The following CAMK4 variants were observed in gnomAD, a reference collection of about 807,000 sequenced individuals.
CAMK4 encodes calcium/calmodulin-dependent protein kinase type IV.
A neutral mutation model predicts 44.9 loss-of-function variants in CAMK4; 22 were observed. The ratio of observed to expected loss-of-function variants is 0.49; its 90% CI spans 0.35 to 0.70. CAMK4 has a LOEUF of 0.70. Ranked by LOEUF, CAMK4 falls within the 30% of genes least tolerant of loss-of-function variation. The pLI, the probability that CAMK4 is intolerant of heterozygous loss-of-function variation, is 0.01. For missense variants in CAMK4, 498 were observed against 586.8 expected (o/e 0.85, Z 1.56); for synonymous variants, 218 against 215.4 (o/e 1.01, Z -0.11).
intron 5 of CAMK4, among the ~76,000 whole-genome samples, chr5:111,407,889 G>C (rs1192352624): frequency 1.3e-5 from 2 of 152,158 alleles, no homozygotes; most frequent in Non-Finnish European, 2.9e-5. Flanking sequence ...ACCTTGGGAG[G>C]CTGAGGTGGG....
intron 5 of CAMK4, among the ~76,000 whole-genome samples, chr5:111,397,123 A>G (rs1401565898): frequency 6.6e-6 from 1 of 152,240 alleles, no homozygotes; most frequent in African/African-American, 2.4e-5. Context: ...ATAGCCCACT[A>G]TCACTTTACC....
At chr5:111,328,266 G>A (rs1056078038) in intron 1 of CAMK4, among the ~76,000 whole-genome samples, 5 of 151,224 alleles carry the variant, frequency 3.3e-5, no homozygotes, top group Admixed American at 1.3e-4. Flanking sequence ...ATTAAATAGG[G>A]AATCCTTTCC....
chr5:111,373,259 T>C (rs1466390649), intron 2 of CAMK4, among the ~76,000 whole-genome samples: 2 of 152,082 alleles, frequency 1.3e-5, no homozygotes, highest in Non-Finnish European at 2.9e-5. Flanking sequence ...ACGGGTGAAA[T>C]AAACTCTGGA....
In CAMK4 at chr5:111,460,977, T is replaced by A. The variant is rs573747036; in HGVS notation, c.625+11774T>A. 7.2e-5 allele frequency among the ~76,000 whole-genome samples: 11 copies of A among 152,292 alleles called. No individual in the cohort carries two copies. In the South Asian group the frequency reaches 1.2e-3, roughly 17 times the overall value. ...GACTATTTTCACTCATTTATTAGATTTATACAAAGAGAAAATCATATAATT... is the reference window on the plus strand; with the variant it reads ...GACTATTTTCACTCATTTATTAGATATATACAAAGAGAAAATCATATAATT... On this transcript the variant is annotated intron_variant, in intron 7 of 10. Transcript: ENST00000282356.
At chr5:111,344,437 C>CAT (rs1561427119) in intron 2 of CAMK4, among the ~76,000 whole-genome samples, 3 of 129,388 alleles carry the variant, frequency 2.3e-5, no homozygotes, top group Admixed American at 8.0e-5. Context: ...CACACATACA[C>CAT]ACACACACAC....
chr5:111,410,568 A>T (rs979221178), intron 5 of CAMK4, among the ~76,000 whole-genome samples: 1 of 151,956 alleles, frequency 6.6e-6, no homozygotes, highest in African/African-American at 2.4e-5. Flanking sequence ...GGACCATAAA[A>T]TTTTTTTCCT....
At chr5:111,412,999 T>C (rs1337059232) in intron 5 of CAMK4, among the ~76,000 whole-genome samples, 1 of 152,198 alleles carries the variant, frequency 6.6e-6, no homozygotes, top group South Asian at 2.1e-4. Context: ...CAAGAAGCAG[T>C]AATTCTTGTA....
intron 4 of CAMK4, among the ~76,000 whole-genome samples, chr5:111,378,197 A>G (rs1200794665): frequency 6.6e-6 from 1 of 152,106 alleles, no homozygotes; most frequent in Non-Finnish European, 1.5e-5. Context: ...CTATGTAAGG[A>G]CACAGCAAGA....
intron 1 of CAMK4, among the ~76,000 whole-genome samples, chr5:111,280,667 G>T: frequency 6.6e-6 from 1 of 152,164 alleles, no homozygotes; most frequent in Non-Finnish European, 1.5e-5. Flanking sequence ...GCTGAGACAC[G>T]TGCAGCCGTG....
intron 8 of CAMK4, among the ~76,000 whole-genome samples, chr5:111,477,963 A>G (rs1755303622): frequency 6.6e-6 from 1 of 152,018 alleles, no homozygotes; most frequent in Non-Finnish European, 1.5e-5. Flanking sequence ...CTTTCACACT[A>G]AATTGGAAGT....
chr5:111,224,327 G>T (rs879312645), upstream of CAMK4: 5 of 1,116,336 alleles, frequency 4.5e-6, no homozygotes, highest in Admixed American at 8.9e-5. The surrounding 1 kb of genome is among the most constrained non-coding windows in gnomAD (Gnocchi z 5.7). Context: ...CCCGCCCACC[G>T]TCCCTGCGAG....
At chr5:111,396,631 C>CT (rs540495109) in intron 5 of CAMK4, among the ~76,000 whole-genome samples, 2,064 of 46,836 alleles carry the variant, frequency 0.044, 718 homozygotes, top group African/African-American at 0.17. Flanking sequence ...AACTCATATT[C>CT]TTTTTTTTTT....
At chr5:111,450,862 T>C (rs1335160980) in intron 7 of CAMK4, among the ~76,000 whole-genome samples, 1 of 151,874 alleles carries the variant, frequency 6.6e-6, no homozygotes, top group African/African-American at 2.4e-5. Flanking sequence ...GTTGTATGTA[T>C]CGAAAGCCAC....
intron 4 of CAMK4, among the ~76,000 whole-genome samples, chr5:111,380,719 C>T (rs907277204): frequency 6.6e-6 from 1 of 152,242 alleles, no homozygotes; most frequent in East Asian, 1.9e-4. Flanking sequence ...TTTTGCTTGC[C>T]TGTTTAGGCT....
intron 7 of CAMK4, among the ~76,000 whole-genome samples, chr5:111,461,019 CT>C (rs1339530752): frequency 6.6e-6 from 1 of 152,012 alleles, no homozygotes; most frequent in Non-Finnish European, 1.5e-5. Flanking sequence ...GTAAGGAAGA[CT>C]TTTTTAACAG....
intron 1 of CAMK4, among the ~76,000 whole-genome samples, chr5:111,326,327 G>T (rs2112707563): frequency 6.6e-6 from 1 of 151,814 alleles, no homozygotes; most frequent in Non-Finnish European, 1.5e-5. Flanking sequence ...ACAATTTTGG[G>T]CTAATACATT....
intron 5 of CAMK4, among the ~76,000 whole-genome samples, chr5:111,408,216 C>T (rs1752506902): frequency 6.6e-6 from 1 of 152,094 alleles, no homozygotes; most frequent in African/African-American, 2.4e-5. Context: ...GTGTTTCCCT[C>T]TAAGGATGGT....
chr5:111,370,715 G>A (rs415917), intron 2 of CAMK4, among the ~76,000 whole-genome samples: 50,562 of 151,894 alleles, frequency 0.33, 8,852 homozygotes, highest in Admixed American at 0.39. Flanking sequence ...AAGAGACAGA[G>A]ACCATCCTGG....
intron 4 of CAMK4, among the ~76,000 whole-genome samples, chr5:111,392,307 G>A (rs1203117910): frequency 6.6e-6 from 1 of 152,040 alleles, no homozygotes; most frequent in Non-Finnish European, 1.5e-5. Flanking sequence ...GAGAGAGAGA[G>A]CACAAAGGGG....
Sources: allele counts gnomAD v4.1 joint callset (sites outside exome capture counted in the v4.1 genomes callset), GRCh38; gene constraint gnomAD v4.1.1; non-coding constraint Gnocchi (gnomAD v3.1); transcripts MANE v1.5; gene names NCBI Gene and HGNC (gene_info 2026-07-23, HGNC 2026-07-21).